ATP8B4: variants seen among roughly 807,000 people sequenced by gnomAD.
ATP8B4 encodes ATPase phospholipid transporting 8B4 (putative).
Under a neutral mutation model 145.6 loss-of-function variants are expected in ATP8B4, and 133 were observed. The observed-to-expected ratio is 0.91, with a 90% CI of 0.79 to 1.05. The LOEUF is 1.05. Among genes scored for constraint, ATP8B4 ranks in the 50% least tolerant of loss-of-function variants. The pLI is 0.00. For missense variants in ATP8B4, 1,458 were observed against 1,425.2 expected (o/e 1.02, Z -0.37); for synonymous variants, 507 against 492.9 (o/e 1.03, Z -0.38).
intron 2 of ATP8B4, among the ~76,000 whole-genome samples, chr15:50,090,682 ATTT>A: frequency 6.6e-6 from 1 of 152,270 alleles, no homozygotes; most frequent in African/African-American, 2.4e-5. Flanking sequence ...ACTAGTCAAT[ATTT>A]TTTATTTTTC....
chr15:50,138,774 C>T (rs2044166442), intron 1 of ATP8B4, among the ~76,000 whole-genome samples: 1 of 152,126 alleles, frequency 6.6e-6, no homozygotes, highest in Admixed American at 6.6e-5. Context: ...CTTTATTGTT[C>T]TCTTATACCC....
At chr15:49,967,488 T>C (rs1212528326) in intron 13 of ATP8B4, among the ~76,000 whole-genome samples, 2 of 152,022 alleles carry the variant, frequency 1.3e-5, no homozygotes, top group Admixed American at 6.6e-5. Context: ...CAGGAATCAA[T>C]AGCTGAATCG....
Position 50,156,107 on chromosome 15 carries a change from A to AT in ATP8B4, c.-43+26153_-43+26154insA, listed in dbSNP as rs1567410582. 5.9e-4 allele frequency among the ~76,000 whole-genome samples: 16 copies of AT among 27,116 alleles called. 1 individual carries two copies. 17.8% of individuals were successfully genotyped at this position (27,116 alleles called of 152,430 possible). ...ATATATATATAAATATATATATATA[A>AT]ATATATATATAAATATATTTATATA... On this transcript the variant is annotated intron_variant, in intron 1 of 3. Coordinates refer to the ATP8B4 transcript ENST00000558829.
At chr15:49,962,847 T>C (rs1230385588) in intron 13 of ATP8B4, among the ~76,000 whole-genome samples, 1 of 152,196 alleles carries the variant, frequency 6.6e-6, no homozygotes, top group African/African-American at 2.4e-5. Flanking sequence ...TTATTTTCCC[T>C]TTCCCTATTG....
intron 23 of ATP8B4, among the ~76,000 whole-genome samples, chr15:49,888,232 G>T (rs1267798103): frequency 6.6e-6 from 1 of 152,208 alleles, no homozygotes; most frequent in African/African-American, 2.4e-5. Flanking sequence ...TGGAAGGTGA[G>T]GGGGAGCAGA....
At chr15:50,063,537 C>T (rs1327798634) in intron 3 of ATP8B4, among the ~76,000 whole-genome samples, 6 of 151,952 alleles carry the variant, frequency 3.9e-5, no homozygotes, top group Non-Finnish European at 2.9e-5. Flanking sequence ...CTATGACAAG[C>T]AAGATATGGA....
At chr15:50,073,928 C>G (rs898285825) in intron 3 of ATP8B4, among the ~76,000 whole-genome samples, 199 bp downstream of exon 3, 12 of 152,098 alleles carry the variant, frequency 7.9e-5, no homozygotes, top group African/African-American at 2.7e-4. Flanking sequence ...ATAAGCATAC[C>G]AACTACTCTT....
intron 9 of ATP8B4, among the ~76,000 whole-genome samples, chr15:49,989,995 G>A (rs926271090): frequency 6.6e-6 from 1 of 152,168 alleles, no homozygotes; most frequent in African/African-American, 2.4e-5. Flanking sequence ...GTTAAGAGAT[G>A]AGATGGATAT....
chr15:50,002,571 T>A (rs564489227), intron 7 of ATP8B4, among the ~76,000 whole-genome samples: 2 of 152,084 alleles, frequency 1.3e-5, no homozygotes, highest in African/African-American at 4.8e-5. Flanking sequence ...ATTGGAAATA[T>A]ATGCACAAAC....
chr15:49,883,037 G>A (rs983870693), intron 23 of ATP8B4: 1 of 152,122 alleles, frequency 6.6e-6, no homozygotes, highest in Non-Finnish European at 1.5e-5. Flanking sequence ...CCACACCCCA[G>A]GCCAATTAAA....
chr15:50,095,812 T>C (rs573086122), intron 2 of ATP8B4, among the ~76,000 whole-genome samples: 12 of 152,162 alleles, frequency 7.9e-5, no homozygotes, highest in African/African-American at 2.9e-4. Flanking sequence ...TCTGAGCTAC[T>C]TGTCAGAGCA....
chr15:49,887,400 G>A (rs1315119410), intron 23 of ATP8B4, among the ~76,000 whole-genome samples: 1 of 148,092 alleles, frequency 6.8e-6, no homozygotes, highest in Non-Finnish European at 1.5e-5. Flanking sequence ...GAGAGGGGCA[G>A]GGTGGAGGTT....
intron 1 of ATP8B4, among the ~76,000 whole-genome samples, chr15:50,179,444 T>C (rs891666076): frequency 1.3e-5 from 2 of 152,150 alleles, no homozygotes; most frequent in East Asian, 1.9e-4. Flanking sequence ...TGTCTATAGA[T>C]GTCATTGGTG....
chr15:50,092,235 T>C (rs73400867), intron 2 of ATP8B4, among the ~76,000 whole-genome samples: 1 of 152,110 alleles, frequency 6.6e-6, no homozygotes, highest in African/African-American at 2.4e-5. Flanking sequence ...CGGTCCCTGA[T>C]TGGATCAAGA....
At chr15:50,102,525 C>G (rs2056427750) in intron 2 of ATP8B4, among the ~76,000 whole-genome samples, 1 of 152,054 alleles carries the variant, frequency 6.6e-6, no homozygotes, top group Admixed American at 6.5e-5. Context: ...AAATATACAA[C>G]CCTCCTAGAT....
At chr15:49,949,937 G>A (rs1175451636) in intron 14 of ATP8B4, among the ~76,000 whole-genome samples, 2 of 152,084 alleles carry the variant, frequency 1.3e-5, no homozygotes, top group Non-Finnish European at 2.9e-5. Flanking sequence ...TTTGTCTTTG[G>A]TTCTGTTTAT....
At chr15:50,090,498 G>T (rs544488076) in intron 2 of ATP8B4, among the ~76,000 whole-genome samples, 1 of 152,162 alleles carries the variant, frequency 6.6e-6, no homozygotes, top group Non-Finnish European at 1.5e-5. Flanking sequence ...ACCACAGAAA[G>T]CTCCCTCATA....
chr15:50,035,274 C>G (rs553968527), intron 6 of ATP8B4, among the ~76,000 whole-genome samples: 19 of 152,276 alleles, frequency 1.2e-4, no homozygotes, highest in African/African-American at 4.6e-4. Context: ...GAGTAATGCT[C>G]CAGGCACTGA....
intron 1 of ATP8B4, among the ~76,000 whole-genome samples, chr15:50,180,677 G>A (rs2140886989): frequency 6.6e-6 from 1 of 152,300 alleles, no homozygotes; most frequent in East Asian, 1.9e-4. Flanking sequence ...AAGTGCACAT[G>A]AGAATGGTTT....
Sources: gnomAD v4.1 joint callset for allele counts (sites outside exome capture counted in the v4.1 genomes callset) on GRCh38, gnomAD v4.1.1 for gene constraint, MANE v1.5 for transcripts, NCBI Gene and HGNC (gene_info 2026-07-23, HGNC 2026-07-21) for gene names.